The following DBN1 variants were observed in gnomAD, a reference collection of about 807,000 sequenced individuals.
DBN1 encodes the protein drebrin.
DBN1 carries 21 observed loss-of-function variants against 83.5 expected under a neutral mutation model. The ratio of observed to expected loss-of-function variants is 0.25; its 90% CI spans 0.18 to 0.36. The LOEUF (loss-of-function observed/expected upper bound fraction) is 0.36, where lower values mean the gene tolerates loss of function less well. DBN1 is among the 10% of genes least tolerant of loss of function. The probability of loss-of-function intolerance (pLI) is 1.00; values close to 1 mark genes in which losing one functional copy is unlikely to be tolerated. For missense variants in DBN1, 874 were observed against 935.7 expected (o/e 0.93, Z 0.86); for synonymous variants, 381 against 384.9 (o/e 0.99, Z 0.12).
rs1468489588 is a variant in DBN1, at chr5:177,468,310, C to G, written c.143-90G>C. The G allele has an allele frequency of 1.0e-5, 12 of 1,145,066 alleles. No homozygotes were observed. The Admixed American group carries it at 2.1e-4, about 20-fold the overall frequency. The allele number at this position is 1,145,066 out of a possible 1,614,324, so 70.9% of individuals were successfully genotyped here. A position where few individuals can be genotyped will look rare whatever the true frequency, so the allele number is the denominator to read the frequency against. On this transcript the variant is annotated intron_variant, in intron 2 of 14. Transcript: ENST00000393565. ...ACTCAAAGCAAAGACTCCTCCAGGC[C>G]TCCACAGGCACCCCCAGGGGTCTTC...
rs1581711430 is a variant in DBN1, at chr5:177,457,431, C to T, written c.*2G>A. On this transcript the variant is annotated 3_prime_UTR_variant, in exon 15 of 15. Transcript: ENST00000393565. ...AAGGGTAGCCTAGGGCTGGCGCCAC[C>T]GCTAATCACCACCCTCGAAGCCCTC... 1.2e-6 allele frequency: 2 copies of T among 1,613,694 alleles called. No homozygotes were observed.
intron 10 of DBN1, 53 bp downstream of exon 10, chr5:177,460,379 C>T: frequency 6.2e-7 from 1 of 1,611,436 alleles, no homozygotes; most frequent in Non-Finnish European, 8.5e-7. Context: ...CAGAGAGGCT[C>T]AGGGCCGCAA....
Position 177,458,696 on chromosome 5 carries a change from G to C in DBN1, c.1276C>G (p.Pro426Ala), listed in dbSNP as rs202202496. 27 of 1,523,856 alleles carry C rather than the reference G, an allele frequency of 1.8e-5. No individual in the cohort carries two copies. Among genetic ancestry groups the C allele is most frequent in the Non-Finnish European group, 2.4e-5 (27 of 1,142,346 alleles). The allele number at this position is 1,523,856 out of a possible 1,614,324, so 94.4% of individuals were successfully genotyped here. ...PPPPAQETQE[P>A]SPILDSEETR... ...TCCTCACTGTCTAGGATGGGGCTGG[G>C]CTCCTGGGTCTCTGTCACAGCACAG... is the stretch of plus-strand genomic sequence containing the variant. Residue 426 changes from proline (P) to alanine (A), a missense_variant, in exon 13 of 15, where the codon CCC (proline) becomes GCC (alanine). Physicochemically the swap from Pro to Ala is conservative, Grantham distance 27. Coordinates refer to ENST00000393565, the MANE Select transcript of DBN1 (RefSeq NM_001363541.2).
intron 10 of DBN1, 77 bp downstream of exon 10, chr5:177,460,355 T>A (rs1756929182): frequency 1.9e-6 from 3 of 1,603,540 alleles, no homozygotes; most frequent in Non-Finnish European, 2.6e-6. Flanking sequence ...AAGGCCTCCC[T>A]TCTGAGAGAG....
Position 177,466,749 on chromosome 5 carries a change from G to T in DBN1, c.771+23C>A. On this transcript the variant is annotated intron_variant, in intron 8 of 14. Coordinates refer to ENST00000393565, the MANE Select transcript of DBN1 (RefSeq NM_001363541.2). This position sits in a 1 kb window ranked among gnomAD's most constrained non-coding sequence, Gnocchi z 4.8. The stretch of plus-strand genomic sequence containing the variant: ...TTCTCACTTCCCTGACCCAGAGACC[G>T]GGAGCCTTGGCAAAGAACTTACAAA... The T allele has an allele frequency of 6.2e-7, 1 of 1,613,648 alleles. No individual in the cohort carries two copies. The highest frequency in any genetic ancestry group is 8.5e-7 in the Non-Finnish European group (1 of 1,179,558).
intron 13 of DBN1, 54 bp downstream of exon 13, chr5:177,458,004 C>G (rs1489529617): frequency 6.2e-7 from 1 of 1,607,046 alleles, no homozygotes; most frequent in Non-Finnish European, 8.5e-7. Context: ...GGGCCAGCAC[C>G]CTGCTCAGCC....
Position 177,468,325 on chromosome 5 carries a change from C to G in DBN1, c.143-105G>C. The G allele has an allele frequency of 1.0e-5, 10 of 973,624 alleles. No individual in the cohort carries two copies. The South Asian group carries it at 1.4e-4, about 13-fold the overall frequency. The allele number at this position is 973,624 out of a possible 1,614,324, so 60.3% of individuals were successfully genotyped here. A position where few individuals can be genotyped will look rare whatever the true frequency, so the allele number is the denominator to read the frequency against. On this transcript the variant is annotated intron_variant, in intron 2 of 14. Coordinates refer to ENST00000393565, the MANE Select transcript of DBN1 (RefSeq NM_001363541.2). ...TCCTCCAGGCCTCCACAGGCACCCC[C>G]AGGGGTCTTCTGGCCTCTGGGGTCT...
At chr5:177,469,801 T>C (rs568104084) in intron 1 of DBN1, among the ~76,000 whole-genome samples, 2 of 152,206 alleles carry the variant, frequency 1.3e-5, no homozygotes, top group East Asian at 3.9e-4. Flanking sequence ...CTGAGGACCC[T>C]CTGGGAGGGA....
At chr5:177,470,716 G>C (rs1299864303) in intron 1 of DBN1, among the ~76,000 whole-genome samples, 1 of 152,290 alleles carries the variant, frequency 6.6e-6, no homozygotes, top group East Asian at 1.9e-4. Context: ...CCGTTCTTCA[G>C]AGCCCAGTGC....
chr5:177,458,329 G>A lies in DBN1; in HGVS notation c.1643C>T (p.Thr548Ile). The stretch of plus-strand genomic sequence containing the variant: ...GGGCACCTCTGCCAGGGTGACCTCA[G>A]TACCCGAGGGTGGCGTGGGGGCCCT... ...EPRAPTPPSG[T>I]EVTLAEVPLL... The change falls in exon 13 of 15, where the codon ACT (threonine) becomes ATT (isoleucine). Residue 548 changes from threonine (T) to isoleucine (I), a missense_variant. This residue lies in a region of DBN1 where 725 missense variants were observed against 719.7 expected (regional missense o/e 1.01). Transcript: ENST00000393565. The A allele has an allele frequency of 6.2e-7, 1 of 1,613,218 alleles. No individual in the cohort carries two copies. The highest frequency in any genetic ancestry group is 1.7e-5 in the Admixed American group (1 of 59,980).
Position 177,472,389 on chromosome 5 carries a change from G to C in DBN1, c.86+1047C>G, listed in dbSNP as rs962938474. The C allele has an allele frequency of 4.3e-5, 63 of 1,456,644 alleles. No individual in the cohort carries two copies. In the African/African-American group the frequency reaches 8.1e-4, roughly 19 times the overall value. 90.2% of individuals were successfully genotyped at this position (1,456,644 alleles called of 1,614,324 possible). On this transcript the variant is annotated intron_variant, in intron 1 of 14. Coordinates refer to ENST00000393565, the MANE Select transcript of DBN1 (RefSeq NM_001363541.2). ...GAGAGGAGGCCTAGGAACCAGATGG[G>C]CACCTTCCCTAGAAGAAGAGTATTA...
Position 177,467,864 on chromosome 5 carries a change from C to A in DBN1, c.256-47G>T. 1.3e-6 allele frequency: 2 copies of A among 1,581,250 alleles called. No homozygotes were observed. On this transcript the variant is annotated intron_variant, in intron 3 of 14. Coordinates refer to ENST00000393565, the MANE Select transcript of DBN1 (RefSeq NM_001363541.2). The surrounding 1 kb of genome is among the most constrained non-coding windows in gnomAD (Gnocchi z 9.1). ...GGGGGTCAGGAAAGGACAAGGGGGGCCCTACACGATAGGGTGCATCTTCCC... is the reference window on the plus strand; with the variant it reads ...GGGGGTCAGGAAAGGACAAGGGGGGACCTACACGATAGGGTGCATCTTCCC...
At chr5:177,471,984 G>T in intron 1 of DBN1, 2 of 982,540 alleles carry the variant, frequency 2.0e-6, no homozygotes, top group Non-Finnish European at 2.9e-6. Context: ...TTATCCCAAA[G>T]CCAGCTCCTT....
chr5:177,459,776 A>G (rs1272687017), intron 10 of DBN1, 36 bp from the exon 11 acceptor site: 18 of 1,436,688 alleles, frequency 1.3e-5, no homozygotes, highest in Non-Finnish European at 1.7e-5. Flanking sequence ...GAGACAGAGG[A>G]CAAGAGAGGG....
Position 177,466,320 on chromosome 5 carries a change from A to G in DBN1, c.771+452T>C, listed in dbSNP as rs1199120971. Among the ~76,000 whole-genome samples the G allele has an allele frequency of 6.6e-6, 1 of 152,256 alleles. No homozygotes were observed. Among genetic ancestry groups the G allele is most frequent in the African/African-American group, 2.4e-5 (1 of 41,466 alleles). On this transcript the variant is annotated intron_variant, in intron 8 of 14. Transcript: ENST00000393565. The surrounding 1 kb of genome is among the most constrained non-coding windows in gnomAD (Gnocchi z 4.8). ...ATTCCCAATGTGTGGAGATTCAGAC[A>G]GTACCCCTGGAACAAAGGGGCTGCT...
In DBN1 at chr5:177,460,686, C is replaced by T. The variant is rs746539866; in HGVS notation, c.789G>A (p.Glu263=). The change falls in exon 9 of 15, where the codon GAG becomes GAA. Residue 263 remains glutamate (E), a synonymous_variant. Coordinates refer to ENST00000393565, the MANE Select transcript of DBN1 (RefSeq NM_001363541.2). ...EQSIFGDHRD[E]EEETHMKKSE... The stretch of plus-strand genomic sequence containing the variant: ...ACTTCTTCATGTGGGTCTCTTCCTC[C>T]TCATCCCGATGGTCACCCTAGAAAC... The T allele has an allele frequency of 6.2e-7, 1 of 1,614,094 alleles. No individual in the cohort carries two copies. Among genetic ancestry groups the T allele is most frequent in the African/African-American group, 1.3e-5 (1 of 74,942 alleles).
chr5:177,467,643 G>A lies in DBN1; in HGVS notation c.331-16C>T, dbSNP rs757220950. 26 of 1,568,622 alleles carry A rather than the reference G, an allele frequency of 1.7e-5. No homozygotes were observed. The highest frequency in any genetic ancestry group is 3.7e-5 in the Admixed American group (2 of 53,356). ...CGTCGACACCCTTCCGCAAGAAGAC[G>A]GCAGTGCTCAGGCGGCACCATCCTC... On this transcript the variant is annotated splice_polypyrimidine_tract_variant and intron_variant, in intron 4 of 14. Transcript: ENST00000393565. The surrounding 1 kb of genome is among the most constrained non-coding windows in gnomAD (Gnocchi z 9.1).
chr5:177,471,742 G>A (rs1412599378), intron 1 of DBN1, among the ~76,000 whole-genome samples: 1 of 152,222 alleles, frequency 6.6e-6, no homozygotes, highest in Non-Finnish European at 1.5e-5. Context: ...GATGGGGGCT[G>A]ACGCACACCA....
intron 8 of DBN1, among the ~76,000 whole-genome samples, chr5:177,464,502 G>C (rs1757271758): frequency 6.6e-6 from 1 of 151,964 alleles, no homozygotes; most frequent in Admixed American, 6.6e-5. Flanking sequence ...GCTCACACCT[G>C]TAATTCCAGC....
Sources: allele counts gnomAD v4.1 joint callset (sites outside exome capture counted in the v4.1 genomes callset), GRCh38; gene constraint gnomAD v4.1.1; regional missense constraint gnomAD v4.1.1; non-coding constraint Gnocchi (gnomAD v3.1); transcripts MANE v1.5; gene names NCBI Gene and HGNC (gene_info 2026-07-23, HGNC 2026-07-21).